The following SDK2 variants were observed in gnomAD, a reference collection of about 807,000 sequenced individuals.
SDK2 encodes the protein sidekick cell adhesion molecule 2.
Under a neutral mutation model 253.9 loss-of-function variants are expected in SDK2, and 105 were observed. The ratio of observed to expected loss-of-function variants is 0.41; its 90% CI spans 0.35 to 0.49. The LOEUF is 0.49. Ranked by LOEUF, SDK2 falls within the 20% of genes least tolerant of loss-of-function variation. SDK2 has a pLI of 0.06. For synonymous variants in SDK2, 1,249 were observed against 1,234.9 expected (o/e 1.01, Z -0.24); for missense variants, 2,608 against 3,003.0 (o/e 0.87, Z 3.07).
At chr17:73,483,661 G>GTATATATATATATATATATTTA (rs2063747332) in intron 2 of SDK2, among the ~76,000 whole-genome samples, 1 of 70,192 alleles carries the variant, frequency 1.4e-5, no homozygotes, top group Admixed American at 2.1e-4. Context: ...GTGTGTGTGT[G>GTATATATATATATATATATTTA]TATATATATA....
chr17:73,408,077 A>C, intron 18 of SDK2, among the ~76,000 whole-genome samples: 1 of 117,016 alleles, frequency 8.5e-6, no homozygotes, highest in Non-Finnish European at 1.7e-5. Context: ...TTTGAGACAG[A>C]GTCTGGCTCT....
chr17:73,444,417 C>T (rs1479212357), intron 5 of SDK2, among the ~76,000 whole-genome samples: 1 of 152,124 alleles, frequency 6.6e-6, no homozygotes, highest in African/African-American at 2.4e-5. Context: ...CACAGGTGAG[C>T]CCGAGCAAAG....
rs1417798874 is a variant in SDK2, at chr17:73,639,098, C to T, written c.64+4927G>A. 9.2e-5 allele frequency among the ~76,000 whole-genome samples: 14 copies of T among 152,208 alleles called. No homozygotes were observed. Among genetic ancestry groups the T allele is most frequent in the African/African-American group, 3.4e-4 (14 of 41,450 alleles). On this transcript the variant is annotated intron_variant, in intron 1 of 44. Coordinates refer to ENST00000392650, the MANE Select transcript of SDK2 (RefSeq NM_001144952.2). The surrounding 1 kb of genome is among the most constrained non-coding windows in gnomAD (Gnocchi z 4.3). The stretch of plus-strand genomic sequence containing the variant: ...GTGCTGGGATTACAGGCGTGAGCCA[C>T]TGTGCCTGGCTGGTAGACACAACTA...
chr17:73,449,921 T>A (rs1295054573), intron 4 of SDK2, among the ~76,000 whole-genome samples: 1 of 151,404 alleles, frequency 6.6e-6, no homozygotes, highest in Non-Finnish European at 1.5e-5. Flanking sequence ...AAACTCCATC[T>A]CAAAAAAACA....
chr17:73,578,223 C>T lies in SDK2; in HGVS notation c.64+65802G>A, dbSNP rs112118411. Among the ~76,000 whole-genome samples the T allele has an allele frequency of 4.6e-3, 705 of 152,226 alleles. 4 individuals carry two copies. The highest frequency in any genetic ancestry group is 0.016 in the African/African-American group (668 of 41,546). ...TACAGGCACACACCACCATACCTGG[C>T]TAATGTTTTGTGTGTATTTTTAGTA... On this transcript the variant is annotated intron_variant, in intron 1 of 44. Transcript: ENST00000392650.
Position 73,379,676 on chromosome 17 carries a change from G to C in SDK2, c.4763-127C>G, listed in dbSNP as rs1331618453. Reference sequence around the variant, plus strand: ...CCCCCGCCATTCTAGCCCCCTCTGTGAAGGTGCATGAAGGAGGAGGTGAGA... The same window carrying C: ...CCCCCGCCATTCTAGCCCCCTCTGTCAAGGTGCATGAAGGAGGAGGTGAGA... On this transcript the variant is annotated intron_variant, in intron 34 of 44. Transcript: ENST00000392650. The surrounding 1 kb of genome is among the most constrained non-coding windows in gnomAD (Gnocchi z 4.5). 1.1e-5 allele frequency: 7 copies of C among 629,170 alleles called. No individual in the cohort carries two copies. Among genetic ancestry groups the C allele is most frequent in the African/African-American group, 5.5e-5 (3 of 54,764 alleles). The allele number at this position is 629,170 out of a possible 1,614,324, so 39.0% of individuals were successfully genotyped here. A position where few individuals can be genotyped will look rare whatever the true frequency, so the allele number is the denominator to read the frequency against.
intron 1 of SDK2, among the ~76,000 whole-genome samples, chr17:73,619,411 G>A (rs191384828): frequency 5.5e-4 from 83 of 152,220 alleles, no homozygotes; most frequent in African/African-American, 1.9e-3. Flanking sequence ...CACAGAGACC[G>A]GTGTAACAGA....
Position 73,424,025 on chromosome 17 carries a change from T to C in SDK2, c.1651A>G (p.Asn551Asp), listed in dbSNP as rs1402554720. The C allele has an allele frequency of 6.2e-7, 1 of 1,612,738 alleles. No individual in the cohort carries two copies. The highest frequency in any genetic ancestry group is 8.5e-7 in the Non-Finnish European group (1 of 1,179,548). ...GTCTGTGAGATGTGCAGGGAGCCGT[T>C]TCTGTCCAGGCGGATACGAGGATGG... ...ESHPRIRLDR[N>D]GSLHISQTWS... is the part of the protein sequence containing the mutation. The change falls in exon 13 of 45, where the codon AAC becomes GAC. Residue 551 changes from asparagine to aspartate, a missense_variant. By Grantham distance (23) the Asn-to-Asp change is conservative (BLOSUM62 1). Around this residue, in one of 2 missense-constraint regions of SDK2, gnomAD observed 1,505 missense variants for 1,859.1 expected, o/e 0.81. Coordinates refer to ENST00000392650, the MANE Select transcript of SDK2 (RefSeq NM_001144952.2).
intron 1 of SDK2, among the ~76,000 whole-genome samples, chr17:73,602,149 C>T (rs2045851346): frequency 6.6e-6 from 1 of 152,130 alleles, no homozygotes; most frequent in African/African-American, 2.4e-5. Context: ...AAACTGAGGC[C>T]CAGAAGTTGG....
intron 37 of SDK2, among the ~76,000 whole-genome samples, chr17:73,366,964 CA>C (rs2062690389): frequency 6.6e-6 from 1 of 152,186 alleles, no homozygotes; most frequent in African/African-American, 2.4e-5. Flanking sequence ...CCCTGTTGCT[CA>C]ACTGCTCAAG....
At chr17:73,389,480 G>A (rs1320723554) in intron 29 of SDK2, among the ~76,000 whole-genome samples, 3 of 152,082 alleles carry the variant, frequency 2.0e-5, no homozygotes, top group Admixed American at 6.5e-5. Flanking sequence ...CACCATGCCC[G>A]GCCTATAGCT....
chr17:73,400,676 C>T (rs547283278), intron 21 of SDK2, among the ~76,000 whole-genome samples: 94 of 148,814 alleles, frequency 6.3e-4, no homozygotes, highest in African/African-American at 2.2e-3. Flanking sequence ...TTTTTTGAGA[C>T]GCGATGTGGC....
chr17:73,613,889 GA>G (rs140106128), intron 1 of SDK2, among the ~76,000 whole-genome samples: 162 of 152,358 alleles, frequency 1.1e-3, no homozygotes, highest in African/African-American at 3.7e-3. Flanking sequence ...AAGAGAGAGA[GA>G]AGGAGGACCT....
At chr17:73,500,429 C>T (rs2063880382) in intron 2 of SDK2, among the ~76,000 whole-genome samples, 1 of 144,922 alleles carries the variant, frequency 6.9e-6, no homozygotes, top group African/African-American at 2.6e-5. Context: ...TATCCATCAT[C>T]CTCCATCCAT....
At chr17:73,589,509 C>T (rs552298409) in intron 1 of SDK2, among the ~76,000 whole-genome samples, 2 of 152,348 alleles carry the variant, frequency 1.3e-5, no homozygotes, top group South Asian at 2.1e-4. Context: ...CTTCCAGCAG[C>T]GTGAAGCTTG....
intron 2 of SDK2, among the ~76,000 whole-genome samples, chr17:73,486,297 T>C (rs7210172): frequency 0.21 from 31,519 of 152,012 alleles, 3,690 homozygotes; most frequent in Middle Eastern, 0.28. Context: ...GGTTTAAACA[T>C]TGGTGGTGGG....
chr17:73,625,212 G>C (rs2046186245), intron 1 of SDK2, among the ~76,000 whole-genome samples: 2 of 152,154 alleles, frequency 1.3e-5, no homozygotes, highest in Admixed American at 6.5e-5. Context: ...AGACAAGCAG[G>C]CACCAGGGCG....
At position 73,534,417 on chromosome 17, in the gene SDK2, G is replaced by C. The variant is rs1372019457; in HGVS notation, c.65-26820C>G. Among the ~76,000 whole-genome samples, 1 of 152,126 alleles carries C rather than the reference G, an allele frequency of 6.6e-6. No homozygotes were observed. The highest frequency in any genetic ancestry group is 6.5e-5 in the Admixed American group (1 of 15,284). On this transcript the variant is annotated intron_variant, in intron 1 of 44. Coordinates refer to ENST00000392650, the MANE Select transcript of SDK2 (RefSeq NM_001144952.2). The surrounding 1 kb of genome is among the most constrained non-coding windows in gnomAD (Gnocchi z 4.9). ...CCTGGGACAGAGGCAGTGCTAAAGA[G>C]ACGATTGCCGACAGATGCCTGACCT...
intron 44 of SDK2, among the ~76,000 whole-genome samples, chr17:73,348,168 T>C (rs1425177542): frequency 2.6e-5 from 4 of 152,220 alleles, no homozygotes; most frequent in East Asian, 1.9e-4. Context: ...CAGCCCTTTG[T>C]TTCTGAAGCT....
Sources: gnomAD v4.1 joint callset for allele counts (sites outside exome capture counted in the v4.1 genomes callset) on GRCh38, gnomAD v4.1.1 for gene constraint, gnomAD v4.1.1 regional missense constraint, Gnocchi (gnomAD v3.1) non-coding constraint, MANE v1.5 for transcripts, NCBI Gene and HGNC (gene_info 2026-07-23, HGNC 2026-07-21) for gene names.